The following PARD3 variants were observed in gnomAD, a reference collection of about 807,000 sequenced individuals.
PARD3 encodes par-3 family cell polarity regulator.
Under a neutral mutation model 155.4 loss-of-function variants are expected in PARD3, and 75 were observed. That is an observed-to-expected ratio of 0.48 (90% CI 0.40 to 0.58). PARD3 has a LOEUF of 0.58. Ranked by LOEUF, PARD3 falls within the 20% of genes least tolerant of loss-of-function variation. The pLI is 0.00. For missense variants in PARD3, 1,642 were observed against 1,721.7 expected (o/e 0.95, Z 0.82); for synonymous variants, 576 against 610.5 (o/e 0.94, Z 0.83).
rs189144025 is a variant in PARD3, at chr10:34,239,613, C to T, written c.3419+30044G>A. Among the ~76,000 whole-genome samples, 3 of 152,082 alleles carry T rather than the reference C, an allele frequency of 2.0e-5. No homozygotes were observed. In the East Asian group the frequency reaches 5.8e-4, roughly 29 times the overall value. On this transcript the variant is annotated intron_variant, in intron 22 of 24. Transcript: ENST00000374788. ...GGTCAGGAGTTTGAGACCAGCCTGA[C>T]CAACCTGGTAAAACTTCATCTCTGC...
chr10:34,500,434 C>T (rs1388480940), intron 3 of PARD3, among the ~76,000 whole-genome samples: 1 of 152,178 alleles, frequency 6.6e-6, no homozygotes, highest in Non-Finnish European at 1.5e-5. Context: ...CTGTCCAAAA[C>T]AGAATTATTA....
At position 34,401,220 on chromosome 10, in the gene PARD3, C is replaced by T. The variant is rs191646243; in HGVS notation, c.806+606G>A. 4.1e-3 allele frequency among the ~76,000 whole-genome samples: 624 copies of T among 152,278 alleles called. 4 individuals are homozygous for T. Among genetic ancestry groups the T allele is most frequent in the South Asian group, 0.029 (142 of 4,832 alleles). On this transcript the variant is annotated intron_variant, in intron 6 of 24. Transcript: ENST00000374788. ...GTCCTGAGAATGCCTACCATTTACACATGTCAATATTTAAAATAATCAGAA... is the reference window on the plus strand; with the variant it reads ...GTCCTGAGAATGCCTACCATTTACATATGTCAATATTTAAAATAATCAGAA...
intron 2 of PARD3, among the ~76,000 whole-genome samples, chr10:34,570,185 T>TG (rs1489069524): frequency 6.6e-6 from 1 of 152,210 alleles, no homozygotes; most frequent in Admixed American, 6.5e-5. Flanking sequence ...TACCCATTGT[T>TG]GGAGTTATTT....
At chr10:34,383,774 A>G (rs1842084262) in intron 8 of PARD3, among the ~76,000 whole-genome samples, 1 of 152,228 alleles carries the variant, frequency 6.6e-6, no homozygotes, top group Admixed American at 6.5e-5. Context: ...AAACAGCTTT[A>G]TCTGCTTGTT....
At chr10:34,263,805 A>G (rs1229846595) in intron 22 of PARD3, among the ~76,000 whole-genome samples, 1 of 152,224 alleles carries the variant, frequency 6.6e-6, no homozygotes, top group Non-Finnish European at 1.5e-5. Context: ...AAGAATTAAG[A>G]AGACTAGCTG....
intron 2 of PARD3, among the ~76,000 whole-genome samples, chr10:34,518,921 T>C (rs2081956147): frequency 6.6e-6 from 1 of 152,218 alleles, no homozygotes; most frequent in Non-Finnish European, 1.5e-5. Flanking sequence ...TGTACCCAGG[T>C]TAACGTCATT....
At chr10:34,513,648 T>C (rs1261571737) in intron 3 of PARD3, among the ~76,000 whole-genome samples, 6 of 152,236 alleles carry the variant, frequency 3.9e-5, no homozygotes, top group Non-Finnish European at 7.3e-5. Flanking sequence ...GTTTGTCTTC[T>C]AGTTTAAGAG....
intron 1 of PARD3, among the ~76,000 whole-genome samples, chr10:34,795,870 G>A (rs1842192748): frequency 6.6e-6 from 1 of 151,884 alleles, no homozygotes. Context: ...CTCCAGCCTG[G>A]GCAACAAGAG....
At chr10:34,757,260 A>G (rs887097130) in intron 1 of PARD3, among the ~76,000 whole-genome samples, 2 of 152,238 alleles carry the variant, frequency 1.3e-5, no homozygotes, top group African/African-American at 4.8e-5. Flanking sequence ...AGTCAGCACT[A>G]AAAATAAAAA....
chr10:34,125,586 A>G (rs1947244664), intron 23 of PARD3, among the ~76,000 whole-genome samples: 1 of 152,258 alleles, frequency 6.6e-6, no homozygotes. Context: ...CTAGTGGTAC[A>G]GAGTGGCTGT....
At chr10:34,715,527 C>T (rs961538353) in intron 1 of PARD3, among the ~76,000 whole-genome samples, 4 of 152,184 alleles carry the variant, frequency 2.6e-5, no homozygotes, top group African/African-American at 9.6e-5. Context: ...CATCCCTACC[C>T]CTTCCCTTGC....
chr10:34,227,242 C>T (rs1277411759), intron 22 of PARD3, among the ~76,000 whole-genome samples: 3 of 152,154 alleles, frequency 2.0e-5, no homozygotes, highest in Non-Finnish European at 4.4e-5. Context: ...ATACATGTGG[C>T]CAACAAGTAT....
In PARD3 at chr10:34,269,918, G is replaced by A. The variant is rs2133856886; in HGVS notation, c.3177-19C>T. On this transcript the variant is annotated intron_variant, in intron 21 of 24. Transcript: ENST00000374788. The stretch of plus-strand genomic sequence containing the variant: ...TTGAATCCTATGAAATCAGAACAAA[G>A]TTGAAATAAGAGAAACCTTTCCTTT... 1 of 1,609,412 alleles carries A rather than the reference G, an allele frequency of 6.2e-7. No homozygotes were observed. Among genetic ancestry groups the A allele is most frequent in the South Asian group, 1.1e-5 (1 of 90,572 alleles).
chr10:34,120,183 AT>A (rs57670906), intron 23 of PARD3, among the ~76,000 whole-genome samples: 44,017 of 113,362 alleles, frequency 0.39, 8,700 homozygotes, highest in East Asian at 0.82. Context: ...TGCCTGGCTA[AT>A]TTTTTTTTTT....
At position 34,815,053 on chromosome 10, in the gene PARD3, G is replaced by A; in HGVS notation, c.-58C>T. 1.7e-6 allele frequency: 2 copies of A among 1,192,856 alleles called. No individual in the cohort carries two copies. The highest frequency in any genetic ancestry group is 2.1e-6 in the Non-Finnish European group (2 of 952,748). The allele number at this position is 1,192,856 out of a possible 1,614,324, so 73.9% of individuals were successfully genotyped here. ...CGCCGAGCGCAGCCGGAGCAGCCGAGGCCGGGACCGAGGACGCTGGGCGCG... is the reference window on the plus strand; with the variant it reads ...CGCCGAGCGCAGCCGGAGCAGCCGAAGCCGGGACCGAGGACGCTGGGCGCG... On this transcript the variant is annotated 5_prime_UTR_variant, in exon 1 of 25. Transcript: ENST00000374788.
intron 22 of PARD3, among the ~76,000 whole-genome samples, chr10:34,144,386 C>A (rs1317207688): frequency 6.6e-6 from 1 of 152,128 alleles, no homozygotes; most frequent in Non-Finnish European, 1.5e-5. Flanking sequence ...TTTAACTCAA[C>A]CTGAGATACT....
At chr10:34,416,391 A>AG (rs1037621665) in intron 5 of PARD3, among the ~76,000 whole-genome samples, 15 of 152,260 alleles carry the variant, frequency 9.9e-5, no homozygotes, top group South Asian at 8.3e-4. Flanking sequence ...TAAGGAGGGC[A>AG]GGGGGGACTT....
At chr10:34,774,489 G>A (rs892419057) in intron 1 of PARD3, among the ~76,000 whole-genome samples, 2 of 152,134 alleles carry the variant, frequency 1.3e-5, no homozygotes, top group African/African-American at 4.8e-5. Context: ...CAGAAGAAAC[G>A]CATCTGGCCT....
chr10:34,218,028 C>T (rs189316497), intron 22 of PARD3, among the ~76,000 whole-genome samples: 56 of 152,246 alleles, frequency 3.7e-4, no homozygotes, highest in Admixed American at 1.2e-3. Flanking sequence ...CAGAATACTA[C>T]CTCCCTTCCA....
Sources: allele counts gnomAD v4.1 joint callset (sites outside exome capture counted in the v4.1 genomes callset), GRCh38; gene constraint gnomAD v4.1.1; transcripts MANE v1.5; gene names NCBI Gene and HGNC (gene_info 2026-07-23, HGNC 2026-07-21).